ARHGAP35: variants seen among roughly 807,000 people sequenced by gnomAD.
The protein encoded by ARHGAP35 is rho GTPase-activating protein 35.
ARHGAP35 carries 15 observed loss-of-function variants against 111.1 expected under a neutral mutation model. That is an observed-to-expected ratio of 0.13 (90% CI 0.09 to 0.21). The LOEUF (loss-of-function observed/expected upper bound fraction) is 0.21. Among genes scored for constraint, ARHGAP35 ranks in the 10% least tolerant of loss-of-function variants. The pLI, the probability that ARHGAP35 is intolerant of heterozygous loss-of-function variation, is 1.00. For missense variants in ARHGAP35, 1,262 were observed against 1,873.0 expected, an observed-to-expected ratio of 0.67 and a Z score of 6.02; for synonymous variants, 643 against 710.3, an observed-to-expected ratio of 0.91 and a Z score of 1.51.
chr19:46,877,196 G>T (rs1218199820), intron 1 of ARHGAP35, among the ~76,000 whole-genome samples: 2 of 146,450 alleles, frequency 1.4e-5, no homozygotes, highest in Admixed American at 7.0e-5. Context: ...ATGTTGCAGT[G>T]AGCTGAGATC....
intron 2 of ARHGAP35, among the ~76,000 whole-genome samples, chr19:46,934,261 A>T (rs555434013): frequency 1.2e-4 from 18 of 152,306 alleles, no homozygotes; most frequent in African/African-American, 3.9e-4. Flanking sequence ...TTTAAACTTT[A>T]AATTAAAAAA....
chr19:46,916,185 C>G (rs1045270041), intron 1 of ARHGAP35, among the ~76,000 whole-genome samples: 1 of 152,008 alleles, frequency 6.6e-6, no homozygotes, highest in Non-Finnish European at 1.5e-5. Flanking sequence ...GCATCCGCCT[C>G]GGCCTCCCAA....
chr19:46,895,019 TC>T (rs1467005839), intron 1 of ARHGAP35, among the ~76,000 whole-genome samples: 16 of 152,230 alleles, frequency 1.1e-4, no homozygotes, highest in African/African-American at 1.9e-4. Context: ...AAGGTACTTT[TC>T]CTGAAGCCTT....
At chr19:46,979,785 G>T (rs1451976932) in intron 3 of ARHGAP35, among the ~76,000 whole-genome samples, 3 of 152,150 alleles carry the variant, frequency 2.0e-5, no homozygotes, top group African/African-American at 7.2e-5. Flanking sequence ...AGTGTTAGTG[G>T]CCTTCTATCA....
At chr19:46,896,369 G>A (rs2056056130) in intron 1 of ARHGAP35, among the ~76,000 whole-genome samples, 1 of 152,242 alleles carries the variant, frequency 6.6e-6, no homozygotes, top group Non-Finnish European at 1.5e-5. Context: ...CTGGGCAACA[G>A]CAAGTCCCTG....
intron 2 of ARHGAP35, among the ~76,000 whole-genome samples, chr19:46,935,172 G>A (rs567533274): frequency 3.9e-5 from 6 of 152,300 alleles, no homozygotes; most frequent in African/African-American, 1.4e-4. Flanking sequence ...CCCGAACCTA[G>A]GAGGCTATGC....
intron 3 of ARHGAP35, among the ~76,000 whole-genome samples, chr19:46,956,376 T>C (rs926918809): frequency 6.6e-6 from 1 of 151,406 alleles, no homozygotes; most frequent in Non-Finnish European, 1.5e-5. Flanking sequence ...ATGTGAAACA[T>C]AATAAATTTT....
At position 46,992,367 on chromosome 19, in the gene ARHGAP35, C is replaced by T. The variant is rs1426060858; in HGVS notation, c.4036+2692C>T. Among the ~76,000 whole-genome samples the T allele has an allele frequency of 1.3e-5, 2 of 152,166 alleles. No individual in the cohort carries two copies. Among genetic ancestry groups the T allele is most frequent in the Non-Finnish European group, 2.9e-5 (2 of 68,026 alleles). On this transcript the variant is annotated intron_variant, in intron 5 of 6. Transcript: ENST00000672722. The surrounding 1 kb of genome is among the most constrained non-coding windows in gnomAD (Gnocchi z 4.4). ...TCTCTGAAGACAGAGCAAAGCTGAG[C>T]TTGAAGTGCACAAACCCCAGCAAGG... is the stretch of plus-strand genomic sequence containing the variant.
chr19:46,870,604 C>T (rs1289592626), intron 1 of ARHGAP35, among the ~76,000 whole-genome samples: 1 of 151,978 alleles, frequency 6.6e-6, no homozygotes, highest in Non-Finnish European at 1.5e-5. Context: ...ATTTCTTCCT[C>T]TGATTGGTCA....
intron 1 of ARHGAP35, among the ~76,000 whole-genome samples, chr19:46,869,441 G>A (rs1300643521): frequency 6.6e-6 from 1 of 151,368 alleles, no homozygotes; most frequent in Non-Finnish European, 1.5e-5. Flanking sequence ...GTCCTGCCTG[G>A]GTGATGGAGT....
In ARHGAP35 at chr19:46,908,741, C is replaced by G. The variant is rs1051187742; in HGVS notation, c.-188-9747C>G. Among the ~76,000 whole-genome samples the G allele has an allele frequency of 6.6e-6, 1 of 152,120 alleles. No individual in the cohort carries two copies. Among genetic ancestry groups the G allele is most frequent in the Non-Finnish European group, 1.5e-5 (1 of 68,032 alleles). ...ATAACATAGCTTAGAAATTCTGTTT[C>G]TTTGGGACCAGCCTGTAGAGTTCTG... On this transcript the variant is annotated intron_variant, in intron 1 of 6. Coordinates refer to ENST00000672722, the MANE Select transcript of ARHGAP35 (RefSeq NM_004491.5). This position sits in a 1 kb window ranked among gnomAD's most constrained non-coding sequence, Gnocchi z 4.2.
intron 2 of ARHGAP35, among the ~76,000 whole-genome samples, chr19:46,924,660 A>G (rs2056228394): frequency 6.6e-6 from 1 of 152,150 alleles, no homozygotes; most frequent in Non-Finnish European, 1.5e-5. Context: ...GTATTTTCCC[A>G]GAGCTCACCT....
At chr19:46,953,145 G>T (rs971565434) in intron 3 of ARHGAP35, among the ~76,000 whole-genome samples, 1 of 152,162 alleles carries the variant, frequency 6.6e-6, no homozygotes, top group Non-Finnish European at 1.5e-5. Flanking sequence ...TACAGCATTG[G>T]ACCAGACAGA....
chr19:46,880,250 T>G (rs113347212), intron 1 of ARHGAP35, among the ~76,000 whole-genome samples: 1 of 151,744 alleles, frequency 6.6e-6, no homozygotes, highest in African/African-American at 2.4e-5. Context: ...CTGGCCAACA[T>G]GGAGAAACCC....
intron 1 of ARHGAP35, among the ~76,000 whole-genome samples, chr19:46,879,784 C>CA (rs35769391): frequency 0.069 from 6,729 of 97,378 alleles, 263 homozygotes; most frequent in East Asian, 0.19. Context: ...ACTCTTGTCT[C>CA]AAAAAAAAAA....
chr19:46,896,288 G>C (rs376886137), intron 1 of ARHGAP35, among the ~76,000 whole-genome samples: 1 of 152,130 alleles, frequency 6.6e-6, no homozygotes, highest in Non-Finnish European at 1.5e-5. Flanking sequence ...CCCAGCTGAG[G>C]TGTATCACCG....
intron 1 of ARHGAP35, among the ~76,000 whole-genome samples, chr19:46,890,170 G>A (rs558630321): frequency 9.9e-5 from 15 of 152,274 alleles, no homozygotes; most frequent in South Asian, 8.3e-4. Flanking sequence ...TCTAGATTGA[G>A]ACCTGCCTTT....
At chr19:46,863,064 T>A (rs889455324) in intron 1 of ARHGAP35, among the ~76,000 whole-genome samples, 1 of 151,988 alleles carries the variant, frequency 6.6e-6, no homozygotes, top group Non-Finnish European at 1.5e-5. Flanking sequence ...TTTTTTTTTT[T>A]TTCCTTCCCC....
Position 46,921,549 on chromosome 19 carries a change from C to T in ARHGAP35, c.2874C>T (p.Ala958=), listed in dbSNP as rs778110461. The T allele has an allele frequency of 2.3e-5, 37 of 1,613,760 alleles. No homozygotes were observed. The highest frequency in any genetic ancestry group is 1.6e-4 in the Middle Eastern group (1 of 6,084). The part of the protein sequence containing the change: ...IEATHMYDNA[A]EACSTTEEVF... Reference sequence around the variant, plus strand: ...CTACTCATATGTACGATAATGCTGCCGAGGCCTGTAGCACCACCGAAGAGG... The same window carrying T: ...CTACTCATATGTACGATAATGCTGCTGAGGCCTGTAGCACCACCGAAGAGG... The change falls in exon 2 of 7, where the codon GCC becomes GCT. Residue 958 remains alanine, a synonymous_variant. Transcript: ENST00000672722. The surrounding 1 kb of genome is among the most constrained non-coding windows in gnomAD (Gnocchi z 4.3).
Sources: gnomAD v4.1 joint callset for allele counts (sites outside exome capture counted in the v4.1 genomes callset) on GRCh38, gnomAD v4.1.1 for gene constraint, Gnocchi (gnomAD v3.1) non-coding constraint, MANE v1.5 for transcripts, NCBI Gene and HGNC (gene_info 2026-07-23, HGNC 2026-07-21) for gene names.